Variants in SSBP4 observed in about 807,000 individuals in gnomAD.
SSBP4 encodes the protein single-stranded DNA-binding protein 4.
SSBP4 carries 33 observed loss-of-function variants against 64.6 expected under a neutral mutation model. The ratio of observed to expected loss-of-function variants is 0.51; its 90% CI spans 0.39 to 0.68. The LOEUF is 0.68. SSBP4 is among the 30% of genes least tolerant of loss of function. The pLI, the probability that SSBP4 is intolerant of heterozygous loss-of-function variation, is 0.00. For synonymous variants in SSBP4, 243 were observed against 224.0 expected (o/e 1.08, Z -0.76); for missense variants, 583 against 566.8 (o/e 1.03, Z -0.29).
Position 18,431,643 on chromosome 19 carries a change from C to T in SSBP4, c.436-4C>T. ...AGGTGCTGATCCCCGCCCACCTCTT[C>T]CAGCCCTTCATGTCACCGCGCTTCC... On this transcript the variant is annotated splice_region_variant and splice_polypyrimidine_tract_variant and intron_variant, in intron 6 of 17. Transcript: ENST00000270061. 6.5e-7 allele frequency: 1 copy of T among 1,548,702 alleles called. No individual in the cohort carries two copies. Among genetic ancestry groups the T allele is most frequent in the Non-Finnish European group, 8.7e-7 (1 of 1,146,210 alleles).
chr19:18,421,480 A>G (rs576130080), intron 1 of SSBP4, among the ~76,000 whole-genome samples: 17 of 152,308 alleles, frequency 1.1e-4, no homozygotes, highest in Non-Finnish European at 1.3e-4. Context: ...GATTCAGCAT[A>G]TCTGCCCTGG....
At chr19:18,430,748 GGGCC>G in intron 4 of SSBP4, 89 bp from the exon 5 acceptor site, 1 of 1,125,424 alleles carries the variant, frequency 8.9e-7, no homozygotes, top group Non-Finnish European at 1.2e-6. Flanking sequence ...CTGTCCCATG[GGGCC>G]GGCCACCTGC....
chr19:18,412,410 G>T, the SSBP4 span, among the ~76,000 whole-genome samples: 2 of 145,660 alleles, frequency 1.4e-5, no homozygotes, highest in Non-Finnish European at 3.0e-5. Context: ...GCAGTGAGTC[G>T]AGATCGCACC....
At chr19:18,404,593 CAA>C in the SSBP4 span, among the ~76,000 whole-genome samples, 11 of 72,896 alleles carry the variant, frequency 1.5e-4, no homozygotes, top group Admixed American at 1.6e-4. Flanking sequence ...GACTCTGTCT[CAA>C]AAAAAAAAAA....
In SSBP4 at chr19:18,431,370, G is replaced by A; in HGVS notation, c.387G>A (p.Gln129=). 1.8e-6 allele frequency: 2 copies of A among 1,092,448 alleles called. No homozygotes were observed. Among genetic ancestry groups the A allele is most frequent in the Non-Finnish European group, 2.5e-6 (2 of 805,874 alleles). 67.7% of individuals were successfully genotyped at this position (1,092,448 alleles called of 1,614,324 possible). ...CCTCCTAGGGCCCCCCCGGCTCCCA[G>A]CCGTCCCCCCACAACCCCAACGCCC... ...AGFFQGPPGS[Q]PSPHNPNAPM... The change falls in exon 6 of 18, where the codon CAG becomes CAA. Residue 129 remains glutamine, a synonymous_variant. Coordinates refer to ENST00000270061, the MANE Select transcript of SSBP4 (RefSeq NM_032627.5).
chr19:18,403,520 C>T, the SSBP4 span, among the ~76,000 whole-genome samples: 2 of 151,850 alleles, frequency 1.3e-5, no homozygotes, highest in Non-Finnish European at 2.9e-5. Context: ...TATGGGGATC[C>T]AGAGGTCTGG....
At chr19:18,428,412 A>G (rs1305977284) in intron 4 of SSBP4, among the ~76,000 whole-genome samples, 1 of 152,142 alleles carries the variant, frequency 6.6e-6, no homozygotes, top group Non-Finnish European at 1.5e-5. Context: ...CTGATGGGCC[A>G]GGCACTGGGA....
chr19:18,407,691 A>G, the SSBP4 span, among the ~76,000 whole-genome samples: 1 of 152,162 alleles, frequency 6.6e-6, no homozygotes, highest in Non-Finnish European at 1.5e-5. Context: ...TCGGCCTCCC[A>G]AAGTGCTGGG....
the SSBP4 span, among the ~76,000 whole-genome samples, chr19:18,406,611 G>C: frequency 1.3e-5 from 2 of 151,980 alleles, no homozygotes; most frequent in African/African-American, 4.8e-5. Context: ...TTGTGCCACC[G>C]CACTCCAGCC....
Position 18,432,712 on chromosome 19 carries a change from T to A in SSBP4, c.763T>A (p.Ser255Thr). ...CCCTTGTCCCCAGATCCCCTACTCC[T>A]CCTCATCCCCCGGCAGCTACACCGT... ...SPSGNSIPYS[S>T]SSPGSYTGPP... The change falls in exon 12 of 18, where the codon TCC (serine) becomes ACC (threonine). Residue 255 changes from serine to threonine, a missense_variant. Ser to Thr is a moderately conservative substitution (Grantham distance 58). Transcript: ENST00000270061. 1 of 1,580,206 alleles carries A rather than the reference T, an allele frequency of 6.3e-7. No homozygotes were observed. The highest frequency in any genetic ancestry group is 8.6e-7 in the Non-Finnish European group (1 of 1,158,706).
chr19:18,411,038 G>A, the SSBP4 span, among the ~76,000 whole-genome samples: 2 of 152,132 alleles, frequency 1.3e-5, no homozygotes, highest in African/African-American at 2.4e-5. Context: ...ACTTTGGGAG[G>A]CCAAGGCAGG....
At chr19:18,411,113 A>G in the SSBP4 span, among the ~76,000 whole-genome samples, 1 of 152,046 alleles carries the variant, frequency 6.6e-6, no homozygotes, top group Non-Finnish European at 1.5e-5. Flanking sequence ...CCTTCTCTAC[A>G]AAAGAAAGCA....
At chr19:18,433,244 T>G in intron 15 of SSBP4, 31 bp downstream of exon 15, 1 of 1,543,608 alleles carries the variant, frequency 6.5e-7, no homozygotes, top group Non-Finnish European at 8.7e-7. Context: ...CCGCCCACGT[T>G]GCCTTCCGGG....
At position 18,427,958 on chromosome 19, in the gene SSBP4, C is replaced by T. The variant is rs1355911670; in HGVS notation, c.255C>T (p.Gly85=). ...GAAGAGAGGCCTGCGAGCACTCCGG[C>T]GAGGCCAAGGCCTTCCAGGACTATG... ...PDRREACEHS[G]EAKAFQDYSA... Residue 85 remains glycine, a synonymous_variant, in exon 4 of 18, where the codon GGC becomes GGT. Transcript: ENST00000270061. This position sits in a 1 kb window ranked among gnomAD's most constrained non-coding sequence, Gnocchi z 4.4. 6.2e-6 allele frequency: 10 copies of T among 1,612,474 alleles called. No individual in the cohort carries two copies. The highest frequency in any genetic ancestry group is 8.5e-6 in the Non-Finnish European group (10 of 1,179,710).
intron 4 of SSBP4, among the ~76,000 whole-genome samples, chr19:18,429,156 T>C (rs1270621625): frequency 6.6e-6 from 1 of 151,970 alleles, no homozygotes; most frequent in Non-Finnish European, 1.5e-5. Context: ...GTCGCCTCCG[T>C]TGCTCTCGCT....
chr19:18,430,902 C>CA lies in SSBP4; in HGVS notation c.342dup (p.Gly115ArgfsTer164). On this transcript the variant is annotated frameshift_variant, in exon 5 of 18. Coordinates refer to ENST00000270061, the MANE Select transcript of SSBP4 (RefSeq NM_032627.5). ...ATGGCCCCAGGTGACACAATGGCCG[C>CA]AGGCTCCATGGCGGCTGGCTTCTTC... is the stretch of plus-strand genomic sequence containing the variant. 1 of 1,613,302 alleles carries CA rather than the reference C, an allele frequency of 6.2e-7. No individual in the cohort carries two copies. Among genetic ancestry groups the CA allele is most frequent in the Non-Finnish European group, 8.5e-7 (1 of 1,179,914 alleles).
At chr19:18,431,039 G>A (rs1600340967) in intron 5 of SSBP4, 109 bp downstream of exon 5, 3 of 1,280,166 alleles carry the variant, frequency 2.3e-6, no homozygotes, top group South Asian at 2.5e-5. Context: ...GGCTGGAGTT[G>A]GGTGGGAGGG....
the SSBP4 span, among the ~76,000 whole-genome samples, chr19:18,413,787 C>T: frequency 3.9e-5 from 6 of 151,972 alleles, no homozygotes; most frequent in Admixed American, 1.3e-4. Context: ...GAGGCCAAGG[C>T]GGGCAGATCG....
chr19:18,418,316 C>T (rs899108517), upstream of SSBP4, among the ~76,000 whole-genome samples: 1 of 152,244 alleles, frequency 6.6e-6, no homozygotes, highest in Non-Finnish European at 1.5e-5. This position sits in a 1 kb window ranked among gnomAD's most constrained non-coding sequence, Gnocchi z 6.7. Context: ...TCAACCGCAC[C>T]GCCTTCCCCT....
Sources: gnomAD v4.1 joint callset for allele counts (sites outside exome capture counted in the v4.1 genomes callset) on GRCh38, gnomAD v4.1.1 for gene constraint, Gnocchi (gnomAD v3.1) non-coding constraint, MANE v1.5 for transcripts, NCBI Gene and HGNC (gene_info 2026-07-23, HGNC 2026-07-21) for gene names.